Variants in SPOCK1 observed in about 807,000 individuals in gnomAD.
The protein encoded by SPOCK1 is testican-1.
SPOCK1 carries 23 observed loss-of-function variants against 55.3 expected under a neutral mutation model. That is an observed-to-expected ratio of 0.42 (90% CI 0.30 to 0.59). The LOEUF (loss-of-function observed/expected upper bound fraction) is 0.59. Among genes scored for constraint, SPOCK1 ranks in the 20% least tolerant of loss-of-function variants. SPOCK1 has a pLI of 0.22. For missense variants in SPOCK1, 499 were observed against 552.5 expected, an observed-to-expected ratio of 0.90 and a Z score of 0.97; for synonymous variants, 226 against 221.0, an observed-to-expected ratio of 1.02 and a Z score of -0.20.
chr5:137,404,011 G>A (rs1752040726), intron 2 of SPOCK1, among the ~76,000 whole-genome samples: 1 of 152,160 alleles, frequency 6.6e-6, no homozygotes, highest in African/African-American at 2.4e-5. Context: ...AGACAGACAG[G>A]CCTGCTGGTA....
chr5:137,328,452 TA>T (rs1758115890), intron 2 of SPOCK1, among the ~76,000 whole-genome samples: 1 of 152,196 alleles, frequency 6.6e-6, no homozygotes, highest in Admixed American at 6.5e-5. Context: ...AGTCAGATAC[TA>T]AGACCTGAAC....
intron 5 of SPOCK1, among the ~76,000 whole-genome samples, chr5:137,084,947 T>C (rs1191101257): frequency 2.9e-5 from 1 of 34,900 alleles, no homozygotes; most frequent in African/African-American, 8.0e-5. Flanking sequence ...AAGAGATTTA[T>C]ACAAAGCAAA....
In SPOCK1 at chr5:137,216,470, G is replaced by A. The variant is rs186007156; in HGVS notation, c.232+50540C>T. ...TCATGCCTGTAATCCCGGCACTTTC[G>A]GAGGCCAAGGCGGGTGGATCACTTG... On this transcript the variant is annotated intron_variant, in intron 3 of 10. Coordinates refer to ENST00000394945, the MANE Select transcript of SPOCK1 (RefSeq NM_004598.4). Among the ~76,000 whole-genome samples, 15 of 152,280 alleles carry A rather than the reference G, an allele frequency of 9.9e-5. No homozygotes were observed. In the East Asian group the frequency reaches 2.3e-3, roughly 24 times the overall value.
chr5:137,060,013 G>C (rs949359082), intron 6 of SPOCK1, among the ~76,000 whole-genome samples: 2 of 152,152 alleles, frequency 1.3e-5, no homozygotes. Context: ...CTGTAAATTA[G>C]TTCAGCCACT....
intron 5 of SPOCK1, among the ~76,000 whole-genome samples, chr5:137,069,607 C>T (rs543705796): frequency 2.0e-5 from 3 of 152,274 alleles, no homozygotes; most frequent in East Asian, 1.9e-4. Context: ...AGTGGAACGC[C>T]GGGAAGGCAG....
At chr5:137,361,187 C>T (rs865833676) in intron 2 of SPOCK1, among the ~76,000 whole-genome samples, 3 of 152,168 alleles carry the variant, frequency 2.0e-5, no homozygotes, top group African/African-American at 7.2e-5. Flanking sequence ...CTGAATCTGC[C>T]AGCACCTTGA....
At chr5:137,147,980 G>A (rs1754236686) in intron 3 of SPOCK1, among the ~76,000 whole-genome samples, 1 of 152,194 alleles carries the variant, frequency 6.6e-6, no homozygotes, top group African/African-American at 2.4e-5. Flanking sequence ...GGCAAAGCCA[G>A]TACTCAGAAC....
chr5:137,099,905 C>T (rs1753228356), intron 5 of SPOCK1, among the ~76,000 whole-genome samples: 1 of 152,146 alleles, frequency 6.6e-6, no homozygotes, highest in South Asian at 2.1e-4. Context: ...TACCTCCCCA[C>T]CCCCCGGAGT....
At chr5:137,066,263 T>A (rs1442559315) in intron 6 of SPOCK1, among the ~76,000 whole-genome samples, 1 of 152,130 alleles carries the variant, frequency 6.6e-6, no homozygotes, top group Non-Finnish European at 1.5e-5. Flanking sequence ...CTCAGCCCCC[T>A]GAGTAGCTGG....
intron 2 of SPOCK1, among the ~76,000 whole-genome samples, chr5:137,419,796 C>T (rs1752443152): frequency 6.6e-6 from 1 of 152,148 alleles, no homozygotes; most frequent in Non-Finnish European, 1.5e-5. Flanking sequence ...CCTTTATTTC[C>T]TTCTCCTGCC....
At chr5:137,092,618 G>A (rs890902516) in intron 5 of SPOCK1, among the ~76,000 whole-genome samples, 6 of 152,226 alleles carry the variant, frequency 3.9e-5, no homozygotes, top group African/African-American at 1.4e-4. Context: ...GGAATTCCAT[G>A]AGGACAGAGA....
At chr5:137,042,117 G>A (rs1752012071) in intron 6 of SPOCK1, among the ~76,000 whole-genome samples, 1 of 151,998 alleles carries the variant, frequency 6.6e-6, no homozygotes, top group Non-Finnish European at 1.5e-5. Flanking sequence ...ACTATTCAGT[G>A]ATAAAAAAAT....
intron 2 of SPOCK1, among the ~76,000 whole-genome samples, chr5:137,421,047 G>A (rs541647964): frequency 7.2e-5 from 11 of 152,104 alleles, no homozygotes; most frequent in African/African-American, 1.2e-4. Context: ...CCTTCATTTC[G>A]TTATGTACCC....
chr5:137,404,785 G>C (rs1158320786), intron 2 of SPOCK1, among the ~76,000 whole-genome samples: 1 of 152,022 alleles, frequency 6.6e-6, no homozygotes, highest in Non-Finnish European at 1.5e-5. Context: ...TAACCCATGG[G>C]TTTGTCACCT....
chr5:137,425,586 C>A (rs930583523), intron 2 of SPOCK1, among the ~76,000 whole-genome samples: 1 of 152,166 alleles, frequency 6.6e-6, no homozygotes, highest in Non-Finnish European at 1.5e-5. Context: ...GTTTGCACGC[C>A]AGTGTCTGGA....
chr5:137,458,218 G>A (rs1753407857), intron 2 of SPOCK1, among the ~76,000 whole-genome samples: 1 of 152,146 alleles, frequency 6.6e-6, no homozygotes, highest in African/African-American at 2.4e-5. Context: ...TAAGACATAG[G>A]ACTGGCCAGC....
At chr5:137,135,051 G>A (rs1753954794) in intron 4 of SPOCK1, among the ~76,000 whole-genome samples, 1 of 152,202 alleles carries the variant, frequency 6.6e-6, no homozygotes, top group African/African-American at 2.4e-5. Flanking sequence ...CCATTGGGAA[G>A]TCGGGCCATG....
chr5:137,336,953 T>C (rs1726123600), intron 2 of SPOCK1, among the ~76,000 whole-genome samples: 1 of 152,110 alleles, frequency 6.6e-6, no homozygotes, highest in Admixed American at 6.5e-5. Context: ...CCAGAGTGAA[T>C]GATTCACCCA....
intron 4 of SPOCK1, among the ~76,000 whole-genome samples, chr5:137,131,267 T>C (rs558629264): frequency 6.6e-6 from 1 of 152,220 alleles, no homozygotes; most frequent in African/African-American, 2.4e-5. Context: ...TAAAGAAAAA[T>C]TAAAATGAAG....
Sources: gnomAD v4.1 joint callset for allele counts (sites outside exome capture counted in the v4.1 genomes callset) on GRCh38, gnomAD v4.1.1 for gene constraint, MANE v1.5 for transcripts, NCBI Gene and HGNC (gene_info 2026-07-23, HGNC 2026-07-21) for gene names.